The following PLA2R1 variants were observed in gnomAD, a reference collection of about 807,000 sequenced individuals.
PLA2R1 encodes phospholipase A2 receptor 1.
In PLA2R1, 158 loss-of-function variants were observed where a neutral mutation model predicts 195.9. The ratio of observed to expected loss-of-function variants is 0.81; its 90% CI spans 0.71 to 0.92. The LOEUF (loss-of-function observed/expected upper bound fraction) is 0.92, where lower values mean the gene tolerates loss of function less well. Among genes scored for constraint, PLA2R1 ranks in the 40% least tolerant of loss-of-function variants. The pLI, the probability that PLA2R1 is intolerant of heterozygous loss-of-function variation, is 0.00. For synonymous variants in PLA2R1, 586 were observed against 598.2 expected, an observed-to-expected ratio of 0.98 and a Z score of 0.30; for missense variants, 1,626 against 1,764.6, an observed-to-expected ratio of 0.92 and a Z score of 1.41.
intron 20 of PLA2R1, among the ~76,000 whole-genome samples, chr2:159,962,880 T>A (rs138546474): frequency 6.6e-6 from 1 of 152,032 alleles, no homozygotes; most frequent in Non-Finnish European, 1.5e-5. Context: ...CCAGGGCCTG[T>A]TGGGGACTGG....
chr2:160,036,999 T>C (rs925899783), intron 3 of PLA2R1, among the ~76,000 whole-genome samples: 3 of 152,228 alleles, frequency 2.0e-5, no homozygotes, highest in Non-Finnish European at 4.4e-5. Context: ...TTTAATCAGC[T>C]ACTCCAACAC....
chr2:160,045,390 A>T (rs1573967218), intron 1 of PLA2R1, among the ~76,000 whole-genome samples: 1 of 152,190 alleles, frequency 6.6e-6, no homozygotes, highest in East Asian at 1.9e-4. Flanking sequence ...CTGATCTAAG[A>T]CCTAATTGGC....
intron 1 of PLA2R1, among the ~76,000 whole-genome samples, chr2:160,056,600 A>G (rs946815369): frequency 6.6e-6 from 1 of 152,120 alleles, no homozygotes. Flanking sequence ...TTTTAAATAT[A>G]TATTTTCCTC....
chr2:160,032,178 AC>A (rs112637640), intron 4 of PLA2R1, among the ~76,000 whole-genome samples: 1 of 152,254 alleles, frequency 6.6e-6, no homozygotes, highest in Admixed American at 6.5e-5. Flanking sequence ...AACTATGGGA[AC>A]CTTTTTATTG....
At chr2:159,984,895 T>C (rs1395714563) in intron 12 of PLA2R1, among the ~76,000 whole-genome samples, 2 of 152,204 alleles carry the variant, frequency 1.3e-5, no homozygotes, top group Non-Finnish European at 2.9e-5. Flanking sequence ...TCTTACTTGC[T>C]GAGACCAGAA....
chr2:160,027,814 T>C (rs1558960196), intron 6 of PLA2R1, among the ~76,000 whole-genome samples: 1 of 152,204 alleles, frequency 6.6e-6, no homozygotes, highest in East Asian at 1.9e-4. Context: ...AATAAGAGAT[T>C]CAGAGTGTGG....
chr2:159,984,603 G>A (rs796686616), intron 12 of PLA2R1, among the ~76,000 whole-genome samples: 14 of 152,246 alleles, frequency 9.2e-5, no homozygotes, highest in African/African-American at 2.9e-4. Context: ...TGGGACCTAG[G>A]GTAGCTCTAT....
In PLA2R1 at chr2:160,016,761, C is replaced by T. The variant is rs76418270; in HGVS notation, c.1453-49G>A. On this transcript the variant is annotated intron_variant, in intron 8 of 29. Coordinates refer to ENST00000283243, the MANE Select transcript of PLA2R1 (RefSeq NM_007366.5). ...GAATGAATACACTCTGTGCTGATAC[C>T]GATGGGCAATAGCAATTCTTATAAA... The T allele has an allele frequency of 1.4e-3, 1,159 of 813,480 alleles. 8 individuals are homozygous for T. The African/African-American group carries it at 0.017, about 12-fold the overall frequency. 50.4% of individuals were successfully genotyped at this position (813,480 alleles called of 1,614,324 possible). A position where few individuals can be genotyped will look rare whatever the true frequency, so the allele number is the denominator to read the frequency against.
intron 23 of PLA2R1, among the ~76,000 whole-genome samples, chr2:159,954,673 A>G (rs949753): frequency 0.18 from 27,538 of 152,016 alleles, 2,808 homozygotes; most frequent in South Asian, 0.42. Context: ...AAGGTCAGTT[A>G]TAGTGCATTC....
At position 160,062,298 on chromosome 2, in the gene PLA2R1, G is replaced by C; in HGVS notation, c.106C>G (p.Gln36Glu). The C allele has an allele frequency of 6.7e-7, 1 of 1,484,050 alleles. No individual in the cohort carries two copies. Among genetic ancestry groups the C allele is most frequent in the Non-Finnish European group, 9.0e-7 (1 of 1,117,118 alleles). The allele number at this position is 1,484,050 out of a possible 1,614,324, so 91.9% of individuals were successfully genotyped here. The change falls in exon 1 of 30, where the codon CAG becomes GAG. Residue 36 changes from glutamine to glutamate, a missense_variant. Coordinates refer to ENST00000283243, the MANE Select transcript of PLA2R1 (RefSeq NM_007366.5). The stretch of plus-strand genomic sequence containing the variant: ...TCCCCGACCCTGGGAGACTCACCCT[G>C]CCACTCCAGGAGCCGCTCGGGGGTA... Reference protein sequence around the residue: ...ALTPERLLEWQDKGIFVIQSE... With the variant: ...ALTPERLLEWEDKGIFVIQSE...
At position 160,022,809 on chromosome 2, in the gene PLA2R1, G is replaced by A. The variant is rs764961244; in HGVS notation, c.1150C>T (p.Pro384Ser). ...YATHCEPGWN[P>S]YNRNCYKLQK... The stretch of plus-strand genomic sequence containing the variant: ...AGTTTGTAGCAATTACGATTGTAGG[G>A]ATTCCAGCCAGGCTCACAGTGGGTA... Residue 384 changes from proline (P) to serine (S), a missense_variant, in exon 7 of 30, where the codon CCC becomes TCC. Transcript: ENST00000283243. The A allele has an allele frequency of 5.6e-6, 9 of 1,613,416 alleles. No homozygotes were observed. Among genetic ancestry groups the A allele is most frequent in the Non-Finnish European group, 7.6e-6 (9 of 1,179,544 alleles).
chr2:160,026,371 T>G (rs1693523483), intron 6 of PLA2R1, among the ~76,000 whole-genome samples: 1 of 152,230 alleles, frequency 6.6e-6, no homozygotes, highest in African/African-American at 2.4e-5. Flanking sequence ...GTAAGGTAGA[T>G]ATTTATCCCC....
chr2:160,013,446 A>T, intron 9 of PLA2R1, 71 bp from the exon 10 acceptor site: 1 of 841,678 alleles, frequency 1.2e-6, no homozygotes. Context: ...ATTTTTGCAT[A>T]CTCTTTTACC....
In PLA2R1 at chr2:160,044,848, G is replaced by GC; in HGVS notation, c.418dup (p.Ala140GlyfsTer8). The GC allele has an allele frequency of 6.2e-7, 1 of 1,613,788 alleles. No individual in the cohort carries two copies. The highest frequency in any genetic ancestry group is 8.5e-7 in the Non-Finnish European group (1 of 1,179,678). On this transcript the variant is annotated frameshift_variant, in exon 2 of 30. Transcript: ENST00000283243. LOFTEE classifies it high-confidence loss of function. ...CCACTTATGAATATACTTCCGTGAGGCCACCACTGTGTTGTCATGCGCCAC... is the reference window on the plus strand; with the variant it reads ...CCACTTATGAATATACTTCCGTGAGGCCCACCACTGTGTTGTCATGCGCCAC...
intron 6 of PLA2R1, among the ~76,000 whole-genome samples, chr2:160,023,775 G>A (rs1261604683): frequency 6.6e-6 from 1 of 152,216 alleles, no homozygotes; most frequent in African/African-American, 2.4e-5. Context: ...CACAGGAACA[G>A]CCAAAGCAAT....
chr2:159,989,697 T>C (rs1005588466), intron 11 of PLA2R1, among the ~76,000 whole-genome samples: 1 of 152,180 alleles, frequency 6.6e-6, no homozygotes, highest in South Asian at 2.1e-4. Flanking sequence ...CTATAAAATA[T>C]GAAGAGCTAA....
intron 11 of PLA2R1, among the ~76,000 whole-genome samples, chr2:159,995,727 G>T (rs1277706454): frequency 1.3e-5 from 2 of 151,894 alleles, no homozygotes; most frequent in Non-Finnish European, 2.9e-5. Context: ...ATTTCACTTT[G>T]CATGCATCTT....
intron 2 of PLA2R1, among the ~76,000 whole-genome samples, chr2:160,043,298 C>T (rs1461329134): frequency 1.3e-5 from 2 of 151,844 alleles, no homozygotes; most frequent in Non-Finnish European, 1.5e-5. Context: ...GAGGGTGAAG[C>T]GAGACAGCTG....
chr2:159,948,642 CAAAA>C (rs56329076), intron 25 of PLA2R1, among the ~76,000 whole-genome samples: 2 of 95,838 alleles, frequency 2.1e-5, no homozygotes. Context: ...CAAGTGCTAA[CAAAA>C]AAAAAAAAAA....
Sources: gnomAD v4.1 joint callset for allele counts (sites outside exome capture counted in the v4.1 genomes callset) on GRCh38, gnomAD v4.1.1 for gene constraint, MANE v1.5 for transcripts, NCBI Gene and HGNC (gene_info 2026-07-23, HGNC 2026-07-21) for gene names.